NBEAL1: variants seen among roughly 807,000 people sequenced by gnomAD.
NBEAL1 encodes neurobeachin like 1, also known as neurobeachin-like protein 1.
Under a neutral mutation model 351.3 loss-of-function variants are expected in NBEAL1, and 273 were observed. That is an observed-to-expected ratio of 0.78 (90% confidence interval 0.70 to 0.86). The LOEUF (loss-of-function observed/expected upper bound fraction) is 0.86. Among genes scored for constraint, NBEAL1 ranks in the 40% least tolerant of loss-of-function variants. The pLI is 0.00. For missense variants in NBEAL1, 2,961 were observed against 3,201.3 expected (o/e 0.92, Z 1.81); for synonymous variants, 1,050 against 1,086.4 (o/e 0.97, Z 0.66).
At chr2:203,100,489 C>T (rs1051904160) in intron 12 of NBEAL1, among the ~76,000 whole-genome samples, 1 of 150,844 alleles carries the variant, frequency 6.6e-6, no homozygotes, top group Non-Finnish European at 1.5e-5. Context: ...TTGCATTTCT[C>T]TAATGATTAG....
Position 203,213,535 on chromosome 2 carries a change from A to T in NBEAL1, c.7952A>T (p.Asn2651Ile). Residue 2651 changes from asparagine (N) to isoleucine (I), a missense_variant, in exon 55 of 56, where the codon AAC becomes ATC. Transcript: ENST00000683969. ...TTTTCTAGCTTGAATCTCAGCATCA[A>T]CCCATTAGCCATGCGACTGCCTATC... ...RDLHSLNLSI[N>I]PLAMRLPIHC... is the part of the protein sequence containing the mutation. The T allele has an allele frequency of 1.9e-6, 3 of 1,613,178 alleles. No homozygotes were observed. Among genetic ancestry groups the T allele is most frequent in the Non-Finnish European group, 2.5e-6 (3 of 1,179,580 alleles).
rs1355744409 is a variant in NBEAL1, at chr2:203,217,453, A to G, written c.*99A>G. 1 of 1,343,484 alleles carries G rather than the reference A, an allele frequency of 7.4e-7. No homozygotes were observed. Among genetic ancestry groups the G allele is most frequent in the Non-Finnish European group, 9.6e-7 (1 of 1,042,008 alleles). 83.2% of individuals were successfully genotyped at this position (1,343,484 alleles called of 1,614,324 possible). Reference sequence around the variant, plus strand: ...CTCTCTGCAATGTTGCAAGGCTTTTATCCCTGAAAATCATTTACAGATAAC... The same window carrying G: ...CTCTCTGCAATGTTGCAAGGCTTTTGTCCCTGAAAATCATTTACAGATAAC... On this transcript the variant is annotated 3_prime_UTR_variant, in exon 56 of 56. Coordinates refer to ENST00000683969, the MANE Select transcript of NBEAL1 (RefSeq NM_001378026.1).
At chr2:203,025,385 T>C (rs1323986146) in intron 2 of NBEAL1, among the ~76,000 whole-genome samples, 1 of 152,232 alleles carries the variant, frequency 6.6e-6, no homozygotes, top group Non-Finnish European at 1.5e-5. Context: ...TTCTGATAAC[T>C]CCGAGCATTC....
chr2:203,190,265 T>C, intron 45 of NBEAL1, 27 bp from the exon 46 acceptor site: 1 of 1,534,350 alleles, frequency 6.5e-7, no homozygotes, highest in South Asian at 1.2e-5. Context: ...TTTCACTCTA[T>C]AGTAAGTTGA....
At chr2:203,191,343 A>C in intron 46 of NBEAL1, 1 of 82,998 alleles carries the variant, frequency 1.2e-5, no homozygotes, top group Non-Finnish European at 3.1e-5. Flanking sequence ...AAAGAATCAA[A>C]TTATAGAATA....
intron 2 of NBEAL1, among the ~76,000 whole-genome samples, chr2:203,031,543 G>GAAC (rs777607386): frequency 8.5e-5 from 13 of 152,194 alleles, no homozygotes; most frequent in Admixed American, 5.9e-4. Flanking sequence ...GTTTGCACAT[G>GAAC]AACAGGCAAG....
At chr2:203,136,436 G>A (rs1265689998) in intron 28 of NBEAL1, among the ~76,000 whole-genome samples, 163 bp from the exon 29 acceptor site, 1 of 152,128 alleles carries the variant, frequency 6.6e-6, no homozygotes, top group Non-Finnish European at 1.5e-5. Flanking sequence ...CAAAGCTAAT[G>A]TCTTACTCAT....
Position 203,113,097 on chromosome 2 carries a change from C to A in NBEAL1, c.2285C>A (p.Ser762Tyr). 1 of 1,551,990 alleles carries A rather than the reference C, an allele frequency of 6.4e-7. No homozygotes were observed. The highest frequency in any genetic ancestry group is 8.7e-7 in the Non-Finnish European group (1 of 1,146,964). Residue 762 changes from serine to tyrosine, a missense_variant, in exon 17 of 56, where the codon TCT becomes TAT. By Grantham distance (144) the Ser-to-Tyr change is moderately radical. Transcript: ENST00000683969. The part of the protein sequence containing the change: ...PPSQIPDPPF[S>Y]SPITPHRTSF... Reference sequence around the variant, plus strand: ...TCCCAAATCCCAGATCCACCTTTCTCTTCTCCCATTACCCCTCATCGGACA... The same window carrying A: ...TCCCAAATCCCAGATCCACCTTTCTATTCTCCCATTACCCCTCATCGGACA...
At chr2:203,025,709 G>A (rs750591715) in intron 2 of NBEAL1, among the ~76,000 whole-genome samples, 2 of 152,046 alleles carry the variant, frequency 1.3e-5, no homozygotes, top group Non-Finnish European at 2.9e-5. Context: ...GGTTTTTCTT[G>A]ATATTATGGT....
chr2:203,145,519 C>T (rs966179959), intron 33 of NBEAL1, among the ~76,000 whole-genome samples: 4 of 151,950 alleles, frequency 2.6e-5, no homozygotes, highest in Non-Finnish European at 5.9e-5. Context: ...GAGAAATGGC[C>T]GGGCGAGGTG....
At chr2:203,125,791 A>G (rs911399488) in intron 20 of NBEAL1, among the ~76,000 whole-genome samples, 169 bp from the exon 21 acceptor site, 19 of 152,184 alleles carry the variant, frequency 1.2e-4, no homozygotes, top group African/African-American at 4.6e-4. Flanking sequence ...ACATAAATAT[A>G]CAATATTATA....
intron 36 of NBEAL1, among the ~76,000 whole-genome samples, chr2:203,160,676 G>A (rs1041991923): frequency 6.6e-6 from 1 of 152,086 alleles, no homozygotes; most frequent in Non-Finnish European, 1.5e-5. Context: ...TCTGGCTTCT[G>A]ATCTCCCTCT....
chr2:203,145,867 A>G (rs1358510407), intron 33 of NBEAL1, among the ~76,000 whole-genome samples: 1 of 151,908 alleles, frequency 6.6e-6, no homozygotes, highest in Non-Finnish European at 1.5e-5. Context: ...AAGCAAAAGT[A>G]AGGAATGAGT....
intron 3 of NBEAL1, among the ~76,000 whole-genome samples, chr2:203,047,077 A>G (rs2061240047): frequency 1.3e-5 from 2 of 152,166 alleles, no homozygotes; most frequent in Admixed American, 1.3e-4. Context: ...CGTCTCTACT[A>G]AAAATACAAA....
intron 11 of NBEAL1, among the ~76,000 whole-genome samples, chr2:203,099,015 C>A (rs1368966370): frequency 6.6e-6 from 1 of 152,114 alleles, no homozygotes; most frequent in Non-Finnish European, 1.5e-5. Context: ...TGGCTCACAC[C>A]TGTAATCCCA....
At chr2:203,198,020 C>CTTTT (rs71034228) in intron 48 of NBEAL1, among the ~76,000 whole-genome samples, 6 of 118,606 alleles carry the variant, frequency 5.1e-5, no homozygotes, top group Non-Finnish European at 8.6e-5. Flanking sequence ...TTTTTCTTTT[C>CTTTT]TTTTTTTTTT....
intron 6 of NBEAL1, among the ~76,000 whole-genome samples, chr2:203,063,538 A>G (rs965667372): frequency 1.3e-5 from 2 of 151,992 alleles, no homozygotes; most frequent in South Asian, 2.1e-4. Flanking sequence ...GAGGGAAGGA[A>G]GGAGAAGAGA....
At chr2:203,152,374 A>AG (rs1040995736) in intron 35 of NBEAL1, among the ~76,000 whole-genome samples, 34 of 148,628 alleles carry the variant, frequency 2.3e-4, no homozygotes, top group African/African-American at 8.3e-4. Flanking sequence ...AAACTACTTG[A>AG]GGTCAGGAGT....
intron 3 of NBEAL1, among the ~76,000 whole-genome samples, chr2:203,042,874 CTGCCCCT>C (rs938167078): frequency 2.0e-5 from 3 of 152,210 alleles, no homozygotes; most frequent in Non-Finnish European, 4.4e-5. Flanking sequence ...GTGTGAGCCA[CTGCCCCT>C]TGGCCAATGC....
Sources: gnomAD v4.1 joint callset for allele counts (sites outside exome capture counted in the v4.1 genomes callset) on GRCh38, gnomAD v4.1.1 for gene constraint, MANE v1.5 for transcripts, NCBI Gene and HGNC (gene_info 2026-07-23, HGNC 2026-07-21) for gene names.